The following CCNY variants were observed in gnomAD, a reference collection of about 807,000 sequenced individuals.
CCNY encodes the protein cyclin Y.
Under a neutral mutation model 42.8 loss-of-function variants are expected in CCNY, and 19 were observed. The observed-to-expected ratio is 0.44, with a 90% CI of 0.31 to 0.65. CCNY has a LOEUF of 0.65. CCNY is among the 30% of genes least tolerant of loss of function. The pLI is 0.07. For synonymous variants in CCNY, 165 were observed against 162.7 expected (o/e 1.01, Z -0.11); for missense variants, 370 against 437.3 (o/e 0.85, Z 1.37).
rs149610165 is a variant in CCNY, at chr10:35,247,476, T to C, written c.-217+346T>C. On this transcript the variant is annotated intron_variant, in intron 1 of 11. Coordinates refer to the CCNY transcript ENST00000374706. ...GGTGCACACCTGTAGTCCCAGCTAC[T>C]TGGGGAGGCTGAGGTGGGAGGATCA... Among the ~76,000 whole-genome samples the C allele has an allele frequency of 3.8e-3, 571 of 151,996 alleles. 4 individuals carry two copies. The highest frequency in any genetic ancestry group is 0.013 in the African/African-American group (546 of 41,470).
intron 8 of CCNY, among the ~76,000 whole-genome samples, chr10:35,560,053 T>C (rs995281445): frequency 6.6e-6 from 1 of 152,164 alleles, no homozygotes; most frequent in African/African-American, 2.4e-5. Context: ...GTGCCACCAT[T>C]GTATTTTAGA....
At chr10:35,384,740 C>T (rs1837266915) in intron 1 of CCNY, among the ~76,000 whole-genome samples, 1 of 152,150 alleles carries the variant, frequency 6.6e-6, no homozygotes, top group South Asian at 2.1e-4. Flanking sequence ...CTGTCCTTCT[C>T]CCCCAGGGAC....
intron 1 of CCNY, among the ~76,000 whole-genome samples, chr10:35,413,440 T>G (rs1436581025): frequency 1.3e-5 from 2 of 152,304 alleles, no homozygotes; most frequent in East Asian, 3.9e-4. Flanking sequence ...TTGAGGTGAC[T>G]GTGAGACACT....
intron 3 of CCNY, among the ~76,000 whole-genome samples, chr10:35,507,606 T>C (rs1266427388): frequency 6.6e-6 from 1 of 152,224 alleles, no homozygotes; most frequent in Non-Finnish European, 1.5e-5. Context: ...TAACTGATCA[T>C]ATTCCAGCAA....
At chr10:35,276,499 C>T (rs1835240260) in intron 3 of CCNY, among the ~76,000 whole-genome samples, 1 of 151,912 alleles carries the variant, frequency 6.6e-6, no homozygotes, top group Admixed American at 6.6e-5. Context: ...TATCCTCCTA[C>T]CTCAGCCTCT....
chr10:35,474,475 G>A (rs537360967), intron 1 of CCNY, among the ~76,000 whole-genome samples: 100 of 152,308 alleles, frequency 6.6e-4, no homozygotes, highest in Non-Finnish European at 1.3e-3. Context: ...GCCTCCTCAA[G>A]TGGGTCCCTG....
chr10:35,456,251 C>G (rs1042193522), intron 1 of CCNY, among the ~76,000 whole-genome samples: 2 of 152,150 alleles, frequency 1.3e-5, no homozygotes, highest in African/African-American at 4.8e-5. Flanking sequence ...GTGTCTGTCT[C>G]CCTCAGTATA....
chr10:35,346,614 A>G (rs1469224079), intron 1 of CCNY, among the ~76,000 whole-genome samples: 1 of 152,140 alleles, frequency 6.6e-6, no homozygotes, highest in East Asian at 1.9e-4. Flanking sequence ...TTGTCAGAAG[A>G]TGGACATTCT....
At chr10:35,351,962 A>G (rs1318570361) in intron 1 of CCNY, among the ~76,000 whole-genome samples, 1 of 152,186 alleles carries the variant, frequency 6.6e-6, no homozygotes, top group Non-Finnish European at 1.5e-5. Flanking sequence ...ACTGAGCTCC[A>G]AGTTAAGTTA....
At chr10:35,264,130 G>A (rs1267711725) in intron 3 of CCNY, among the ~76,000 whole-genome samples, 1 of 152,204 alleles carries the variant, frequency 6.6e-6, no homozygotes, top group Non-Finnish European at 1.5e-5. Context: ...GAATAGTCCT[G>A]TAGTGAACAT....
intron 3 of CCNY, among the ~76,000 whole-genome samples, chr10:35,515,740 G>A (rs950883448): frequency 5.3e-5 from 8 of 152,132 alleles, no homozygotes; most frequent in Non-Finnish European, 1.0e-4. Flanking sequence ...CATATTGCCC[G>A]ATTGTTGCCA....
chr10:35,273,477 T>C (rs1835198178), intron 3 of CCNY, among the ~76,000 whole-genome samples: 1 of 152,120 alleles, frequency 6.6e-6, no homozygotes, highest in South Asian at 2.1e-4. Context: ...AGTGCTGGGA[T>C]TACAGGCATG....
intron 1 of CCNY, among the ~76,000 whole-genome samples, chr10:35,469,961 GAGAC>G (rs1215378710): frequency 1.3e-5 from 2 of 148,810 alleles, no homozygotes; most frequent in East Asian, 2.0e-4. Context: ...GGGAGATGGA[GAGAC>G]AGACAGGGAG....
chr10:35,297,904 C>T (rs749708239), intron 3 of CCNY, among the ~76,000 whole-genome samples: 33 of 151,930 alleles, frequency 2.2e-4, no homozygotes, highest in African/African-American at 5.1e-4. Flanking sequence ...ATCATTATAA[C>T]GGCCATACTG....
chr10:35,564,654 C>T (rs560523099), intron 8 of CCNY, among the ~76,000 whole-genome samples: 39 of 152,248 alleles, frequency 2.6e-4, no homozygotes, highest in African/African-American at 9.1e-4. Context: ...AGGGTGAGGC[C>T]CTGCACTAGG....
intron 1 of CCNY, among the ~76,000 whole-genome samples, chr10:35,418,605 G>A (rs934406233): frequency 6.6e-6 from 1 of 152,146 alleles, no homozygotes; most frequent in Non-Finnish European, 1.5e-5. Context: ...CGGTAACTGA[G>A]AATATGCCTC....
chr10:35,249,994 A>T (rs1406451613), intron 2 of CCNY, among the ~76,000 whole-genome samples: 2 of 152,116 alleles, frequency 1.3e-5, no homozygotes, highest in Non-Finnish European at 2.9e-5. Context: ...GGAGATCGAG[A>T]CCTTCCTGGC....
At chr10:35,459,769 G>A (rs1260847272) in intron 1 of CCNY, among the ~76,000 whole-genome samples, 1 of 152,164 alleles carries the variant, frequency 6.6e-6, no homozygotes, top group Non-Finnish European at 1.5e-5. Context: ...TGAGGAATGG[G>A]CAGATAATTA....
chr10:35,449,522 A>G (rs1241982132), intron 1 of CCNY, among the ~76,000 whole-genome samples: 1 of 152,066 alleles, frequency 6.6e-6, no homozygotes, highest in Non-Finnish European at 1.5e-5. Context: ...GAAGCAAAGA[A>G]ATAGAGGGAA....
Sources: gnomAD v4.1 joint callset for allele counts (sites outside exome capture counted in the v4.1 genomes callset) on GRCh38, gnomAD v4.1.1 for gene constraint, MANE v1.5 for transcripts, NCBI Gene and HGNC (gene_info 2026-07-23, HGNC 2026-07-21) for gene names.